Variants in ELOVL7 observed in about 807,000 individuals in gnomAD.
The protein encoded by ELOVL7 is very long chain fatty acid elongase 7.
ELOVL7 carries 27 observed loss-of-function variants against 35.7 expected under a neutral mutation model. The ratio of observed to expected loss-of-function variants is 0.76; its 90% CI spans 0.56 to 1.04. The LOEUF (loss-of-function observed/expected upper bound fraction) is 1.04. ELOVL7 is among the 50% of genes least tolerant of loss of function. ELOVL7 has a pLI of 0.00. For missense variants in ELOVL7, 327 were observed against 340.8 expected, an observed-to-expected ratio of 0.96 and a Z score of 0.32; for synonymous variants, 113 against 114.6, an observed-to-expected ratio of 0.99 and a Z score of 0.09.
intron 7 of ELOVL7, among the ~76,000 whole-genome samples, chr5:60,762,914 C>T (rs1213032250): frequency 6.6e-6 from 1 of 152,040 alleles, no homozygotes; most frequent in East Asian, 1.9e-4. Flanking sequence ...CAGTTTTTCA[C>T]AAACACCAAT....
At chr5:60,756,623 C>T (rs2112118155) in intron 8 of ELOVL7, among the ~76,000 whole-genome samples, 1 of 152,146 alleles carries the variant, frequency 6.6e-6, no homozygotes, top group Non-Finnish European at 1.5e-5. Flanking sequence ...ATTTAGGATC[C>T]TTATCCATTA....
intron 3 of ELOVL7, among the ~76,000 whole-genome samples, chr5:60,780,149 C>T (rs151097799): frequency 0.14 from 15,269 of 105,834 alleles, 1,066 homozygotes; most frequent in South Asian, 0.21. Flanking sequence ...GATGTAGTTT[C>T]GTTCTTGTTG....
At chr5:60,792,634 A>G (rs925136112) in intron 2 of ELOVL7, among the ~76,000 whole-genome samples, 4 of 152,192 alleles carry the variant, frequency 2.6e-5, no homozygotes, top group Non-Finnish European at 5.9e-5. Context: ...CGAGAGGCTG[A>G]GGTGGGAGAA....
chr5:60,817,738 TAC>T (rs1253701074), intron 1 of ELOVL7, among the ~76,000 whole-genome samples: 2 of 148,146 alleles, frequency 1.4e-5, no homozygotes, highest in East Asian at 1.9e-4. Flanking sequence ...ACCATATATA[TAC>T]ACACACACCA....
chr5:60,754,947 G>T, intron 8 of ELOVL7, 114 bp from the exon 9 acceptor site: 1 of 820,884 alleles, frequency 1.2e-6, no homozygotes, highest in Non-Finnish European at 1.9e-6. Flanking sequence ...GGGCAAAGAA[G>T]TCCATCTTTA....
At chr5:60,826,727 A>C (rs1746192954) in intron 1 of ELOVL7, among the ~76,000 whole-genome samples, 2 of 152,174 alleles carry the variant, frequency 1.3e-5, no homozygotes, top group African/African-American at 4.8e-5. Flanking sequence ...ACAACATTGG[A>C]ATGTTTAAAA....
intron 2 of ELOVL7, among the ~76,000 whole-genome samples, chr5:60,791,563 A>G (rs1034834689): frequency 4.6e-5 from 7 of 152,198 alleles, no homozygotes; most frequent in Non-Finnish European, 1.0e-4. Context: ...TTTAGTAGGA[A>G]AACATCTGGC....
intron 2 of ELOVL7, among the ~76,000 whole-genome samples, chr5:60,794,085 A>T (rs902736636): frequency 6.6e-6 from 1 of 152,212 alleles, no homozygotes; most frequent in African/African-American, 2.4e-5. Flanking sequence ...GGAGTAGAGT[A>T]AACAGGAGCT....
At chr5:60,808,183 T>C (rs1455124306) in intron 1 of ELOVL7, among the ~76,000 whole-genome samples, 1 of 149,222 alleles carries the variant, frequency 6.7e-6, no homozygotes, top group Non-Finnish European at 1.5e-5. Flanking sequence ...CAAATGAAAA[T>C]GATAAAGGTT....
intron 3 of ELOVL7, among the ~76,000 whole-genome samples, chr5:60,782,643 A>G (rs1743327762): frequency 6.6e-6 from 1 of 152,230 alleles, no homozygotes; most frequent in African/African-American, 2.4e-5. Flanking sequence ...AAATCCTATC[A>G]TTTGTGACAA....
intron 2 of ELOVL7, among the ~76,000 whole-genome samples, chr5:60,796,162 A>G (rs1364992333): frequency 6.6e-6 from 1 of 152,194 alleles, no homozygotes; most frequent in African/African-American, 2.4e-5. Context: ...CTAGATATTA[A>G]TCCACACATT....
intron 1 of ELOVL7, among the ~76,000 whole-genome samples, chr5:60,800,843 A>C (rs2112284251): frequency 6.6e-6 from 1 of 152,268 alleles, no homozygotes; most frequent in South Asian, 2.1e-4. Context: ...TTTTCAATCC[A>C]CTGTTGGTGG....
At chr5:60,841,229 T>C (rs888447626) in intron 1 of ELOVL7, among the ~76,000 whole-genome samples, 4 of 152,092 alleles carry the variant, frequency 2.6e-5, no homozygotes, top group Non-Finnish European at 5.9e-5. Context: ...TTTCACCATT[T>C]TGGCCAGGCT....
chr5:60,766,913 G>A (rs57521420), intron 5 of ELOVL7, among the ~76,000 whole-genome samples: 2,822 of 152,206 alleles, frequency 0.019, 105 homozygotes, highest in African/African-American at 0.065. Flanking sequence ...CTATGAATTT[G>A]ACTATGCTAG....
Position 60,753,568 on chromosome 5 carries a change from CTG to C in ELOVL7, c.*1054_*1055del. ...TAATCAATTTTCCCCTGGATATTCTCTGTGCCACAATTTGCCTCTAGTTGCTT... is the reference window on the plus strand; with the variant it reads ...TAATCAATTTTCCCCTGGATATTCTCTGCCACAATTTGCCTCTAGTTGCTT... On this transcript the variant is annotated 3_prime_UTR_variant, in exon 9 of 9. Coordinates refer to ENST00000508821, the MANE Select transcript of ELOVL7 (RefSeq NM_024930.3). The C allele has an allele frequency of 6.6e-6, 1 of 152,158 alleles. No individual in the cohort carries two copies. The highest frequency in any genetic ancestry group is 1.9e-4 in the East Asian group (1 of 5,200). 9.4% of individuals were successfully genotyped at this position (152,158 alleles called of 1,614,324 possible).
chr5:60,772,117 T>C lies in ELOVL7; in HGVS notation c.65-24A>G, dbSNP rs188194345. The stretch of plus-strand genomic sequence containing the variant: ...ATCTAAGAGAAAAACAATATGTGAG[T>C]ACACACCTGCTTAGCCAAGGGGTAA... On this transcript the variant is annotated intron_variant, in intron 3 of 8. Coordinates refer to ENST00000508821, the MANE Select transcript of ELOVL7 (RefSeq NM_024930.3). The C allele has an allele frequency of 3.6e-5, 55 of 1,533,168 alleles. No individual in the cohort carries two copies. The African/African-American group carries it at 7.6e-4, about 21-fold the overall frequency. 95.0% of individuals were successfully genotyped at this position (1,533,168 alleles called of 1,614,324 possible). A position where few individuals can be genotyped will look rare whatever the true frequency, so the allele number is the denominator to read the frequency against.
At chr5:60,775,580 A>G (rs1416749199) in intron 3 of ELOVL7, among the ~76,000 whole-genome samples, 2 of 152,224 alleles carry the variant, frequency 1.3e-5, no homozygotes, top group Non-Finnish European at 2.9e-5. Context: ...TTCAAACTGT[A>G]CTACACGGCT....
At chr5:60,765,475 C>T (rs192153523) in intron 6 of ELOVL7, among the ~76,000 whole-genome samples, 2 of 152,236 alleles carry the variant, frequency 1.3e-5, no homozygotes, top group Non-Finnish European at 2.9e-5. Flanking sequence ...TTGTTTTTGT[C>T]GTCGTTGTTT....
intron 7 of ELOVL7, among the ~76,000 whole-genome samples, chr5:60,763,226 G>A (rs1284424135): frequency 6.6e-6 from 1 of 152,182 alleles, no homozygotes; most frequent in African/African-American, 2.4e-5. Flanking sequence ...CCATGGTAGC[G>A]ACAGCTGTTT....
Sources: allele counts gnomAD v4.1 joint callset (sites outside exome capture counted in the v4.1 genomes callset), GRCh38; gene constraint gnomAD v4.1.1; transcripts MANE v1.5; gene names NCBI Gene and HGNC (gene_info 2026-07-23, HGNC 2026-07-21).